Variants in CNOT6 observed in about 807,000 individuals in gnomAD.
The protein encoded by CNOT6 is CCR4-NOT transcription complex subunit 6.
CNOT6 carries 12 observed loss-of-function variants against 61.2 expected under a neutral mutation model. The ratio of observed to expected loss-of-function variants is 0.20; its 90% confidence interval spans 0.13 to 0.32. The LOEUF is 0.32. Ranked by LOEUF, CNOT6 falls within the 10% of genes least tolerant of loss-of-function variation. CNOT6 has a pLI of 1.00. For synonymous variants in CNOT6, 225 were observed against 240.6 expected, an observed-to-expected ratio of 0.94 and a Z score of 0.60; for missense variants, 405 against 663.9, an observed-to-expected ratio of 0.61 and a Z score of 4.28.
chr5:180,556,330 G>T (rs1759889687), intron 4 of CNOT6, among the ~76,000 whole-genome samples: 1 of 152,102 alleles, frequency 6.6e-6, no homozygotes, highest in Non-Finnish European at 1.5e-5. Flanking sequence ...TACACAGGGG[G>T]AATAGGTCTG....
At chr5:180,535,720 G>A (rs940328702) in intron 2 of CNOT6, among the ~76,000 whole-genome samples, 4 of 152,214 alleles carry the variant, frequency 2.6e-5, no homozygotes, top group Non-Finnish European at 4.4e-5. Flanking sequence ...AGTTCTGTGA[G>A]AAATCTCCAT....
intron 4 of CNOT6, among the ~76,000 whole-genome samples, chr5:180,562,689 G>A (rs1490368058): frequency 6.6e-6 from 1 of 152,084 alleles, no homozygotes. Flanking sequence ...GCGGTGAGCC[G>A]AGATGGTGCC....
At chr5:180,550,450 AAAAAAAACAAAAAC>A (rs1267430339) in intron 3 of CNOT6, among the ~76,000 whole-genome samples, 3 of 151,348 alleles carry the variant, frequency 2.0e-5, no homozygotes, top group African/African-American at 7.3e-5. Flanking sequence ...AGTCCATCTC[AAAAAAAACAAAAAC>A]AAAAAAACAT....
At chr5:180,518,680 G>A (rs542004033) in intron 1 of CNOT6, among the ~76,000 whole-genome samples, 4 of 152,136 alleles carry the variant, frequency 2.6e-5, no homozygotes, top group Non-Finnish European at 4.4e-5. Flanking sequence ...TTTAGTTTTT[G>A]TAGAGATGAG....
chr5:180,560,099 C>G (rs1330026306), intron 4 of CNOT6, among the ~76,000 whole-genome samples: 2 of 152,032 alleles, frequency 1.3e-5, no homozygotes, highest in Non-Finnish European at 2.9e-5. Context: ...AGGCACCCAC[C>G]ACCATGCCCG....
At chr5:180,545,571 GAGT>G (rs1759274793) in intron 2 of CNOT6, among the ~76,000 whole-genome samples, 1 of 151,850 alleles carries the variant, frequency 6.6e-6, no homozygotes, top group South Asian at 2.1e-4. Flanking sequence ...TTTTATTACT[GAGT>G]AGTAGTCCAT....
At position 180,535,314 on chromosome 5, in the gene CNOT6, G is replaced by A. The variant is rs113307548; in HGVS notation, c.112+5926G>A. ...AAAAGGTAACTTTTTCACCTTTTTC[G>A]CCCTCCCGTGTTTTGGAATCTTCAG... is the stretch of plus-strand genomic sequence containing the variant. On this transcript the variant is annotated intron_variant, in intron 2 of 11. Transcript: ENST00000261951. Among the ~76,000 whole-genome samples, 948 of 152,160 alleles carry A rather than the reference G, an allele frequency of 6.2e-3. 10 individuals carry two copies. The highest frequency in any genetic ancestry group is 0.022 in the African/African-American group (905 of 41,516).
At chr5:180,552,066 A>T (rs1305726560) in intron 3 of CNOT6, among the ~76,000 whole-genome samples, 1 of 151,376 alleles carries the variant, frequency 6.6e-6, no homozygotes, top group Non-Finnish European at 1.5e-5. Context: ...ACAGGGTTTC[A>T]CCATGTTGGC....
At chr5:180,565,772 AT>A (rs745963115) in intron 6 of CNOT6, 47 bp from the exon 7 acceptor site, 3 of 1,488,758 alleles carry the variant, frequency 2.0e-6, no homozygotes, top group African/African-American at 1.4e-5. Context: ...TTAATTATAT[AT>A]TTTTTTCTGC....
At position 180,577,681 on chromosome 5, in the gene CNOT6, A is replaced by G. The variant is rs1270877774; in HGVS notation, c.*3481A>G. 6.6e-6 allele frequency: 1 copy of G among 152,628 alleles called. No individual in the cohort carries two copies. The highest frequency in any genetic ancestry group is 1.5e-5 in the Non-Finnish European group (1 of 68,042). 9.5% of individuals were successfully genotyped at this position (152,628 alleles called of 1,614,324 possible). A position where few individuals can be genotyped will look rare whatever the true frequency, so the allele number is the denominator to read the frequency against. ...TATTCACAGTACATTATATTGTGTGATGCACTGGACTAACTCTTGTTTACC... is the reference window on the plus strand; with the variant it reads ...TATTCACAGTACATTATATTGTGTGGTGCACTGGACTAACTCTTGTTTACC... On this transcript the variant is annotated 3_prime_UTR_variant, in exon 12 of 12. Coordinates refer to ENST00000261951, the MANE Select transcript of CNOT6 (RefSeq NM_001370472.1).
intron 1 of CNOT6, among the ~76,000 whole-genome samples, chr5:180,511,481 T>C (rs1757392428): frequency 1.3e-5 from 2 of 152,082 alleles, no homozygotes; most frequent in Admixed American, 6.5e-5. Flanking sequence ...TGTGGTGGCA[T>C]GCACCTGTAG....
chr5:180,519,669 G>A (rs1757795246), intron 1 of CNOT6, among the ~76,000 whole-genome samples: 1 of 151,738 alleles, frequency 6.6e-6, no homozygotes, highest in African/African-American at 2.4e-5. Context: ...AAAATGTTCT[G>A]ATTTTTATCG....
chr5:180,558,704 T>G (rs1355851958), intron 4 of CNOT6, among the ~76,000 whole-genome samples: 1 of 152,070 alleles, frequency 6.6e-6, no homozygotes, highest in Non-Finnish European at 1.5e-5. Context: ...TTTGTCTTCA[T>G]GCATTTAATG....
At chr5:180,515,683 A>G (rs990727799) in intron 1 of CNOT6, among the ~76,000 whole-genome samples, 1 of 152,094 alleles carries the variant, frequency 6.6e-6, no homozygotes, top group Admixed American at 6.6e-5. Flanking sequence ...GCCTTTTCAT[A>G]TGCGCCCTAA....
intron 2 of CNOT6, among the ~76,000 whole-genome samples, chr5:180,546,971 T>C (rs1049802700): frequency 6.6e-6 from 1 of 152,270 alleles, no homozygotes; most frequent in Non-Finnish European, 1.5e-5. Context: ...GGTTCATACA[T>C]ACTTTATGCA....
chr5:180,572,612 T>C (rs1229911418), intron 11 of CNOT6, among the ~76,000 whole-genome samples: 1 of 152,092 alleles, frequency 6.6e-6, no homozygotes, highest in Non-Finnish European at 1.5e-5. Context: ...TACAGTGATG[T>C]GATGATAACA....
At chr5:180,556,608 C>T (rs1270071401) in intron 4 of CNOT6, among the ~76,000 whole-genome samples, 3 of 152,176 alleles carry the variant, frequency 2.0e-5, no homozygotes, top group African/African-American at 7.2e-5. Flanking sequence ...CTTATAGCCA[C>T]ACCTACTTTG....
At chr5:180,513,215 A>T (rs1757479382) in intron 1 of CNOT6, among the ~76,000 whole-genome samples, 1 of 151,112 alleles carries the variant, frequency 6.6e-6, no homozygotes, top group African/African-American at 2.4e-5. Context: ...ATTTTTTGAG[A>T]CAGGATCTCT....
intron 1 of CNOT6, among the ~76,000 whole-genome samples, chr5:180,528,725 G>C (rs1468612841): frequency 6.6e-6 from 1 of 152,156 alleles, no homozygotes; most frequent in Non-Finnish European, 1.5e-5. Flanking sequence ...CTGATGTTCA[G>C]ATTGTCTCAT....
Sources: gnomAD v4.1 joint callset for allele counts (sites outside exome capture counted in the v4.1 genomes callset) on GRCh38, gnomAD v4.1.1 for gene constraint, MANE v1.5 for transcripts, NCBI Gene and HGNC (gene_info 2026-07-23, HGNC 2026-07-21) for gene names.